Variants in SMAD2 observed in about 807,000 individuals in gnomAD.
SMAD2 encodes the protein SMAD family member 2, also known as MAD homolog 2.
A neutral mutation model predicts 64.4 loss-of-function variants in SMAD2; 8 were observed. The ratio of observed to expected loss-of-function variants is 0.12; its 90% CI spans 0.07 to 0.22. SMAD2 has a LOEUF of 0.22. Among genes scored for constraint, SMAD2 ranks in the 10% least tolerant of loss-of-function variants. The probability of loss-of-function intolerance (pLI) is 1.00; values close to 1 mark genes in which losing one functional copy is unlikely to be tolerated. For missense variants in SMAD2, 289 were observed against 561.2 expected, an observed-to-expected ratio of 0.51 and a Z score of 4.90; for synonymous variants, 203 against 195.8, an observed-to-expected ratio of 1.04 and a Z score of -0.31.
rs1241300860 is a variant in SMAD2, at chr18:47,840,763, T to C, written c.*1064A>G. 1.0e-4 allele frequency: 24 copies of C among 231,324 alleles called. No individual in the cohort carries two copies. The highest frequency in any genetic ancestry group is 2.5e-3 in the Middle Eastern group (2 of 790). 14.3% of individuals were successfully genotyped at this position (231,324 alleles called of 1,614,324 possible). On this transcript the variant is annotated 3_prime_UTR_variant, in exon 11 of 11. Coordinates refer to ENST00000262160, the MANE Select transcript of SMAD2 (RefSeq NM_005901.6). ...AGCAGAAGGTCTGCTGTTGAAATAT[T>C]GTAAAATACCTTTGGAAAAACGGTA...
chr18:47,896,736 G>C lies in SMAD2; in HGVS notation c.21C>G (p.Phe7Leu). 6.2e-7 allele frequency: 1 copy of C among 1,613,984 alleles called. No individual in the cohort carries two copies. The highest frequency in any genetic ancestry group is 1.6e-4 in the Middle Eastern group (1 of 6,062). The change falls in exon 2 of 11, where the codon TTC becomes TTG. Residue 7 changes from phenylalanine (F) to leucine (L), a missense_variant. Around this residue, in one of 6 missense-constraint regions of SMAD2, gnomAD observed 89 missense variants for 137.1 expected, o/e 0.65. Coordinates refer to ENST00000262160, the MANE Select transcript of SMAD2 (RefSeq NM_005901.6). MSSILP[F>L]TPPVVKRLLG... Reference sequence around the variant, plus strand: ...GCAGTCTCTTCACAACTGGCGGCGTGAATGGCAAGATGGACGACATGTTCT... The same window carrying C: ...GCAGTCTCTTCACAACTGGCGGCGTCAATGGCAAGATGGACGACATGTTCT...
intron 1 of SMAD2, among the ~76,000 whole-genome samples, chr18:47,903,744 C>T (rs985506711): frequency 1.1e-4 from 16 of 151,700 alleles, no homozygotes; most frequent in African/African-American, 1.9e-4. Context: ...CACAGGAAAA[C>T]GTTAGAAATG....
chr18:47,855,558 T>G (rs1047767916), intron 6 of SMAD2, among the ~76,000 whole-genome samples: 4 of 152,068 alleles, frequency 2.6e-5, no homozygotes, highest in Non-Finnish European at 5.9e-5. Flanking sequence ...TCTGAAAAAT[T>G]TTTTATTTCT....
Position 47,817,769 on chromosome 18 carries a change from CCT to C in SMAD2, c.*24056_*24057del, listed in dbSNP as rs796546553. ...TCTGTAAATGATTTGGCTCTTTTCCCCTGTTTCTGAACATCTCCCAAGAGCAA... is the reference window on the plus strand; with the variant it reads ...TCTGTAAATGATTTGGCTCTTTTCCCGTTTCTGAACATCTCCCAAGAGCAA... On this transcript the variant is annotated 3_prime_UTR_variant, in exon 11 of 11. Coordinates refer to ENST00000262160, the MANE Select transcript of SMAD2 (RefSeq NM_005901.6). 16 of 152,284 alleles carry C rather than the reference CCT, an allele frequency of 1.1e-4. No individual in the cohort carries two copies. The highest frequency in any genetic ancestry group is 2.4e-4 in the African/African-American group (10 of 41,570). 9.4% of individuals were successfully genotyped at this position (152,284 alleles called of 1,614,324 possible). A position where few individuals can be genotyped will look rare whatever the true frequency, so the allele number is the denominator to read the frequency against.
chr18:47,924,424 G>A (rs770374224), intron 1 of SMAD2, among the ~76,000 whole-genome samples: 2 of 151,756 alleles, frequency 1.3e-5, no homozygotes, highest in South Asian at 2.1e-4. Context: ...TTATATAGGA[G>A]GCTCTGCAAA....
rs1913253550 is a variant in SMAD2 at position 47,834,769 on chromosome 18, G to A, written c.*7058C>T. ...CTAAAGGTTCTTCTAGCTTTGTCCA[G>A]TTATATGGTATTTTACTGTATTCTC... On this transcript the variant is annotated 3_prime_UTR_variant, in exon 11 of 11. Transcript: ENST00000262160. The A allele has an allele frequency of 9.0e-6, 2 of 221,352 alleles. No individual in the cohort carries two copies. Among genetic ancestry groups the A allele is most frequent in the Middle Eastern group, 1.3e-3 (1 of 744 alleles). 13.7% of individuals were successfully genotyped at this position (221,352 alleles called of 1,614,324 possible). A position where few individuals can be genotyped will look rare whatever the true frequency, so the allele number is the denominator to read the frequency against.
At chr18:47,918,980 G>T (rs1568116257) in intron 1 of SMAD2, among the ~76,000 whole-genome samples, 2 of 152,058 alleles carry the variant, frequency 1.3e-5, no homozygotes, top group Admixed American at 1.3e-4. Context: ...TAGATGGAAA[G>T]GGCCCATCAA....
At chr18:47,915,335 C>T (rs1011998840) in intron 1 of SMAD2, among the ~76,000 whole-genome samples, 1 of 152,150 alleles carries the variant, frequency 6.6e-6, no homozygotes, top group Non-Finnish European at 1.5e-5. Flanking sequence ...AAGTGTGATA[C>T]TGTTCAGTCC....
chr18:47,926,603 T>G (rs2034776406), intron 1 of SMAD2, among the ~76,000 whole-genome samples: 2 of 152,158 alleles, frequency 1.3e-5, no homozygotes, highest in Admixed American at 1.3e-4. Context: ...ACTTTGCTTG[T>G]TAGAAACACT....
intron 1 of SMAD2, among the ~76,000 whole-genome samples, chr18:47,901,083 G>C (rs2033664504): frequency 6.6e-6 from 1 of 152,146 alleles, no homozygotes; most frequent in African/African-American, 2.4e-5. Context: ...GATCAAGCCT[G>C]CTAATTGTGA....
intron 2 of SMAD2, 108 bp downstream of exon 2, chr18:47,896,412 AT>A (rs2033441249): frequency 9.1e-7 from 1 of 1,103,144 alleles, no homozygotes; most frequent in Non-Finnish European, 1.4e-6. Flanking sequence ...AAACAGTCAT[AT>A]TTCAATCATC....
intron 2 of SMAD2, among the ~76,000 whole-genome samples, chr18:47,884,712 C>T (rs1031710593): frequency 3.9e-5 from 6 of 151,986 alleles, no homozygotes; most frequent in East Asian, 1.9e-4. Context: ...AAAAAATAGG[C>T]GGAGACAACA....
Position 47,822,876 on chromosome 18 carries a change from G to C in SMAD2, c.*18951C>G, listed in dbSNP as rs1274401526. 1.3e-5 allele frequency: 2 copies of C among 152,086 alleles called. No individual in the cohort carries two copies. Among genetic ancestry groups the C allele is most frequent in the Non-Finnish European group, 2.9e-5 (2 of 68,038 alleles). The allele number at this position is 152,086 out of a possible 1,614,324, so 9.4% of individuals were successfully genotyped here. A position where few individuals can be genotyped will look rare whatever the true frequency, so the allele number is the denominator to read the frequency against. On this transcript the variant is annotated 3_prime_UTR_variant, in exon 11 of 11. Coordinates refer to ENST00000262160, the MANE Select transcript of SMAD2 (RefSeq NM_005901.6). ...ATTTTTTAGTAGAGACGGTGGCCGG[G>C]GGGAGGTTTCACTATGTTGGCCAGG...
chr18:47,896,501 TG>T lies in SMAD2; in HGVS notation c.236+19del, dbSNP rs906318000. On this transcript the variant is annotated intron_variant, in intron 2 of 10. Coordinates refer to ENST00000262160, the MANE Select transcript of SMAD2 (RefSeq NM_005901.6). Reference sequence around the variant, plus strand: ...TTCCTTGACATAATTTGATCAAACCTGGGATCTAACAAAACTTACCTTGGTA... The same window carrying T: ...TTCCTTGACATAATTTGATCAAACCTGGATCTAACAAAACTTACCTTGGTA... 3 of 1,612,982 alleles carry T rather than the reference TG, an allele frequency of 1.9e-6. No individual in the cohort carries two copies. The highest frequency in any genetic ancestry group is 2.5e-6 in the Non-Finnish European group (3 of 1,179,070).
At chr18:47,865,542 TAAA>T (rs1284151474) in intron 5 of SMAD2, among the ~76,000 whole-genome samples, 1 of 152,156 alleles carries the variant, frequency 6.6e-6, no homozygotes, top group East Asian at 1.9e-4. Flanking sequence ...CTTAGAAAAT[TAAA>T]AAACACACAA....
intron 2 of SMAD2, among the ~76,000 whole-genome samples, chr18:47,888,354 A>G (rs1340792550): frequency 6.9e-6 from 1 of 144,260 alleles, no homozygotes; most frequent in East Asian, 2.1e-4. Flanking sequence ...TGCAGGCTAA[A>G]GGCTTGGTCT....
At position 47,841,063 on chromosome 18, in the gene SMAD2, A is replaced by G. The variant is rs1165499736; in HGVS notation, c.*764T>C. 1 of 231,898 alleles carries G rather than the reference A, an allele frequency of 4.3e-6. No homozygotes were observed. The highest frequency in any genetic ancestry group is 8.5e-6 in the Non-Finnish European group (1 of 117,374). 14.4% of individuals were successfully genotyped at this position (231,898 alleles called of 1,614,324 possible). A position where few individuals can be genotyped will look rare whatever the true frequency, so the allele number is the denominator to read the frequency against. On this transcript the variant is annotated 3_prime_UTR_variant, in exon 11 of 11. Coordinates refer to ENST00000262160, the MANE Select transcript of SMAD2 (RefSeq NM_005901.6). ...GATGATGTCATGTTATGCTGTTTTG[A>G]TTATGAGGACAAAAATGGGAATGGA... is the stretch of plus-strand genomic sequence containing the variant.
intron 1 of SMAD2, among the ~76,000 whole-genome samples, chr18:47,897,881 AAATG>A (rs1316525573): frequency 6.6e-5 from 10 of 152,202 alleles, no homozygotes; most frequent in African/African-American, 2.4e-4. Flanking sequence ...GGAAAAAGGA[AAATG>A]AATGTGTTCA....
intron 3 of SMAD2, among the ~76,000 whole-genome samples, chr18:47,869,913 T>A (rs896612748): frequency 6.6e-6 from 1 of 152,136 alleles, no homozygotes; most frequent in South Asian, 2.1e-4. Flanking sequence ...TACCCAGTTG[T>A]GACTGTTTTG....
Sources: gnomAD v4.1 joint callset for allele counts (sites outside exome capture counted in the v4.1 genomes callset) on GRCh38, gnomAD v4.1.1 for gene constraint, gnomAD v4.1.1 regional missense constraint, MANE v1.5 for transcripts, NCBI Gene and HGNC (gene_info 2026-07-23, HGNC 2026-07-21) for gene names.